Variants in PIK3C2A observed in about 807,000 individuals in gnomAD.
PIK3C2A encodes the protein phosphatidylinositol 4-phosphate 3-kinase C2 domain-containing subunit alpha.
PIK3C2A carries 97 observed loss-of-function variants against 204.5 expected under a neutral mutation model. The ratio of observed to expected loss-of-function variants is 0.47; its 90% CI spans 0.40 to 0.56. The LOEUF is 0.56. PIK3C2A is among the 20% of genes least tolerant of loss of function. The pLI is 0.00. For synonymous variants in PIK3C2A, 653 were observed against 664.4 expected (o/e 0.98, Z 0.26); for missense variants, 1,735 against 1,969.2 (o/e 0.88, Z 2.25).
intron 3 of PIK3C2A, among the ~76,000 whole-genome samples, chr11:17,153,156 G>T (rs1242981245): frequency 6.6e-6 from 1 of 152,162 alleles, no homozygotes; most frequent in Non-Finnish European, 1.5e-5. Flanking sequence ...TCTCGACCGG[G>T]TGTGGTGGCT....
intron 22 of PIK3C2A, among the ~76,000 whole-genome samples, chr11:17,108,676 G>A (rs1848907448): frequency 6.6e-6 from 1 of 152,104 alleles, no homozygotes; most frequent in African/African-American, 2.4e-5. Flanking sequence ...GCCAAGACAT[G>A]GCTTAGCAGA....
At chr11:17,096,405 A>G (rs569289168) in intron 27 of PIK3C2A, among the ~76,000 whole-genome samples, 1 of 152,338 alleles carries the variant, frequency 6.6e-6, no homozygotes, top group African/African-American at 2.4e-5. Context: ...GGATCTATCT[A>G]TAGCAGGCCA....
intron 3 of PIK3C2A, 126 bp downstream of exon 3, chr11:17,155,400 C>T: frequency 1.8e-6 from 1 of 553,774 alleles, no homozygotes; most frequent in Non-Finnish European, 3.2e-6. Context: ...CCAATTAACT[C>T]TTTGACTTGA....
At chr11:17,149,437 T>A (rs1850357599) in intron 4 of PIK3C2A, among the ~76,000 whole-genome samples, 1 of 152,198 alleles carries the variant, frequency 6.6e-6, no homozygotes, top group Non-Finnish European at 1.5e-5. Context: ...GATTTGAGCA[T>A]CCTGGGATTT....
At chr11:17,112,715 T>C (rs1450669077) in intron 20 of PIK3C2A, 49 bp from the exon 21 acceptor site, 12 of 980,136 alleles carry the variant, frequency 1.2e-5, no homozygotes, top group East Asian at 2.8e-5. Context: ...AAAATGGATT[T>C]AGAATTTTTT....
intron 1 of PIK3C2A, among the ~76,000 whole-genome samples, chr11:17,197,709 T>A (rs770128805): frequency 2.0e-5 from 3 of 152,232 alleles, no homozygotes; most frequent in Non-Finnish European, 2.9e-5. Flanking sequence ...TTTGTGGAGA[T>A]AATTACTGAA....
At position 17,200,711 on chromosome 11, in the gene PIK3C2A, T is replaced by A. The variant is rs7116306; in HGVS notation, c.-66+7137A>T. 3.3e-5 allele frequency among the ~76,000 whole-genome samples: 5 copies of A among 152,314 alleles called. No homozygotes were observed. The East Asian group carries it at 5.8e-4, about 18-fold the overall frequency. ...GGTGGCAGTTACACAACTGTCACTG[T>A]TTTTTGTAATTCATCTGTTTTAGCA... On this transcript the variant is annotated intron_variant, in intron 1 of 32. Transcript: ENST00000691414.
rs1227726075 is a variant in PIK3C2A, at chr11:17,155,616, C to T, written c.1079G>A (p.Gly360Glu). 3.1e-6 allele frequency: 5 copies of T among 1,594,424 alleles called. No homozygotes were observed. Residue 360 changes from glycine to glutamate, a missense_variant, in exon 3 of 33, where the codon GGG (glycine) becomes GAG (glutamate). By Grantham distance (98) the Gly-to-Glu change is moderately conservative. Coordinates refer to ENST00000691414, the MANE Select transcript of PIK3C2A (RefSeq NM_002645.4). ...QGHISQKDPN[G>E]TSSLPTGSSL... ...ACTTCCAGTTGGCAAACTACTGGTC[C>T]CATTTGGGTCTTTCTGTAATTAAAA...
In PIK3C2A at chr11:17,183,949, A is replaced by G. The variant is rs182285835; in HGVS notation, c.-65-14143T>C. On this transcript the variant is annotated intron_variant, in intron 1 of 32. Coordinates refer to ENST00000691414, the MANE Select transcript of PIK3C2A (RefSeq NM_002645.4). ...GTGAGAACCCTCTTTAAAAAAAAAA[A>G]AAAAAAATTAGCCAGGCATGGTGGC... Among the ~76,000 whole-genome samples the G allele has an allele frequency of 3.4e-3, 516 of 151,490 alleles. 2 individuals are homozygous for G. Among genetic ancestry groups the G allele is most frequent in the Middle Eastern group, 0.021 (6 of 292 alleles).
In PIK3C2A at chr11:17,117,531, A is replaced by G; in HGVS notation, c.3176T>C (p.Val1059Ala). The G allele has an allele frequency of 1.2e-6, 2 of 1,613,318 alleles. No individual in the cohort carries two copies. Among genetic ancestry groups the G allele is most frequent in the East Asian group, 2.2e-5 (1 of 44,852 alleles). The change falls in exon 19 of 33, where the codon GTA becomes GCA. Residue 1059 changes from valine to alanine, a missense_variant. This residue lies in a region of PIK3C2A where 567 missense variants were observed against 576.0 expected (regional missense o/e 0.98). Transcript: ENST00000691414. Reference sequence around the variant, plus strand: ...ACTAGCCTGCCTTACTTTTTCTGCTACTCCTCCTAAAAGCTGTACAAGTTT... The same window carrying G: ...ACTAGCCTGCCTTACTTTTTCTGCTGCTCCTCCTAAAAGCTGTACAAGTTT... The part of the protein sequence containing the change: ...QTKLVQLLGG[V>A]AEKVRQASGS...
chr11:17,184,221 T>TC (rs1187588642), intron 1 of PIK3C2A, among the ~76,000 whole-genome samples: 1 of 109,620 alleles, frequency 9.1e-6, no homozygotes, highest in Non-Finnish European at 2.0e-5. Flanking sequence ...TCCTTCTACT[T>TC]TAAAAAAAAA....
intron 22 of PIK3C2A, among the ~76,000 whole-genome samples, chr11:17,109,561 CTTAT>C (rs983377730): frequency 1.6e-4 from 25 of 151,912 alleles, no homozygotes; most frequent in Non-Finnish European, 2.8e-4. Flanking sequence ...TAGATATGGC[CTTAT>C]TTATTTATTA....
intron 1 of PIK3C2A, among the ~76,000 whole-genome samples, chr11:17,177,703 T>G (rs1851382840): frequency 6.6e-6 from 1 of 152,152 alleles, no homozygotes; most frequent in African/African-American, 2.4e-5. Context: ...AACCAAGTAC[T>G]CTGGTGTTAG....
chr11:17,087,691 G>C lies in PIK3C2A; in HGVS notation c.*2047C>G, dbSNP rs1299664764. On this transcript the variant is annotated 3_prime_UTR_variant, in exon 33 of 33. Transcript: ENST00000691414. Reference sequence around the variant, plus strand: ...AGTGATAACTGGTGGAATGGAATTCGGTCTCAAAAGCTTAAGTGAAAATTA... The same window carrying C: ...AGTGATAACTGGTGGAATGGAATTCCGTCTCAAAAGCTTAAGTGAAAATTA... The C allele has an allele frequency of 6.6e-6, 1 of 152,118 alleles. No homozygotes were observed. Among genetic ancestry groups the C allele is most frequent in the Non-Finnish European group, 1.5e-5 (1 of 68,020 alleles). 9.4% of individuals were successfully genotyped at this position (152,118 alleles called of 1,614,324 possible). A position where few individuals can be genotyped will look rare whatever the true frequency, so the allele number is the denominator to read the frequency against.
intron 1 of PIK3C2A, among the ~76,000 whole-genome samples, chr11:17,207,388 G>A (rs1852619137): frequency 1.3e-5 from 2 of 152,162 alleles, no homozygotes; most frequent in Non-Finnish European, 1.5e-5. Flanking sequence ...TGGGACAGGA[G>A]GTGAAAGAAG....
intron 1 of PIK3C2A, among the ~76,000 whole-genome samples, chr11:17,196,067 A>G (rs776790204): frequency 6.6e-6 from 1 of 152,030 alleles, no homozygotes; most frequent in African/African-American, 2.4e-5. Flanking sequence ...AAAAGAAAAA[A>G]GAAAAGAAAC....
At chr11:17,140,842 G>C (rs763210685) in intron 8 of PIK3C2A, among the ~76,000 whole-genome samples, 6 of 152,164 alleles carry the variant, frequency 3.9e-5, no homozygotes, top group Non-Finnish European at 5.9e-5. Context: ...AAATAAAGGA[G>C]GGGGATAAGT....
intron 2 of PIK3C2A, among the ~76,000 whole-genome samples, chr11:17,161,858 T>C (rs2137465302): frequency 6.6e-6 from 1 of 152,312 alleles, no homozygotes; most frequent in South Asian, 2.1e-4. Context: ...TAGAGATGAA[T>C]GGTGTGTGAA....
Position 17,169,357 on chromosome 11 carries a change from C to A in PIK3C2A, c.385G>T (p.Ala129Ser), listed in dbSNP as rs1441711542. 2 of 1,613,704 alleles carry A rather than the reference C, an allele frequency of 1.2e-6. No individual in the cohort carries two copies. The highest frequency in any genetic ancestry group is 1.7e-5 in the Admixed American group (1 of 59,940). The change falls in exon 2 of 33, where the codon GCA becomes TCA. Residue 129 changes from alanine (A) to serine (S), a missense_variant. Ala to Ser is a moderately conservative substitution (Grantham distance 99, BLOSUM62 1). Around this residue, in one of 6 missense-constraint regions of PIK3C2A, gnomAD observed 536 missense variants for 546.7 expected, o/e 0.98. Transcript: ENST00000691414. ...VTPILSPSFS[A>S]QLYFRPTIQR... ...ATAGTAGGTCTAAAATAGAGCTGTG[C>A]TGAAAAGGAAGGGCTCAGAATAGGA...
Sources: gnomAD v4.1 joint callset for allele counts (sites outside exome capture counted in the v4.1 genomes callset) on GRCh38, gnomAD v4.1.1 for gene constraint, gnomAD v4.1.1 regional missense constraint, MANE v1.5 for transcripts, NCBI Gene and HGNC (gene_info 2026-07-23, HGNC 2026-07-21) for gene names.